The following DGCR2 variants were observed in gnomAD, a reference collection of about 807,000 sequenced individuals.
DGCR2 encodes integral membrane protein DGCR2/IDD.
In DGCR2, 24 loss-of-function variants were observed where a neutral mutation model predicts 51.6. The observed-to-expected ratio is 0.47, with a 90% CI of 0.34 to 0.65. DGCR2 has a LOEUF of 0.65. Ranked by LOEUF, DGCR2 falls within the 30% of genes least tolerant of loss-of-function variation. DGCR2 has a pLI of 0.01. For missense variants in DGCR2, 765 were observed against 772.1 expected, an observed-to-expected ratio of 0.99 and a Z score of 0.11; for synonymous variants, 340 against 315.4, an observed-to-expected ratio of 1.08 and a Z score of -0.82.
intron 1 of DGCR2, among the ~76,000 whole-genome samples, chr22:19,095,401 C>T (rs993957426): frequency 6.6e-6 from 1 of 152,090 alleles, no homozygotes; most frequent in Admixed American, 6.5e-5. Flanking sequence ...GTGGCTCACA[C>T]CTGTAATCCC....
chr22:19,039,385 G>A (rs1225670933), intron 9 of DGCR2, among the ~76,000 whole-genome samples: 4 of 152,182 alleles, frequency 2.6e-5, no homozygotes, highest in Admixed American at 6.5e-5. Context: ...AGGCAGACAC[G>A]GGCCTGTCCC....
chr22:19,051,641 G>A (rs936289164), intron 6 of DGCR2, among the ~76,000 whole-genome samples: 3 of 152,178 alleles, frequency 2.0e-5, no homozygotes, highest in Non-Finnish European at 1.5e-5. Context: ...TGGGAGGACT[G>A]CCTGAGCCCG....
intron 2 of DGCR2, among the ~76,000 whole-genome samples, chr22:19,073,724 T>G (rs117839378): frequency 0.014 from 2,141 of 152,296 alleles, 42 homozygotes; most frequent in South Asian, 0.06. Context: ...CAAACTTATG[T>G]GCAAAGGTAA....
chr22:19,056,368 C>A, intron 6 of DGCR2: 1 of 343,004 alleles, frequency 2.9e-6, no homozygotes, highest in South Asian at 3.7e-5. Context: ...GCACCATGCT[C>A]GGCAACATCA....
In DGCR2 at chr22:19,105,905, A is replaced by T. The variant is rs1002809279; in HGVS notation, c.79+16223T>A. Among the ~76,000 whole-genome samples, 5 of 149,606 alleles carry T rather than the reference A, an allele frequency of 3.3e-5. No homozygotes were observed. The South Asian group carries it at 1.1e-3, about 33-fold the overall frequency. Reference sequence around the variant, plus strand: ...CTCTAACCTTCCCGCAAAGCCCCACATCCAGGTTCTTGGGGGTCCCGGCTC... The same window carrying T: ...CTCTAACCTTCCCGCAAAGCCCCACTTCCAGGTTCTTGGGGGTCCCGGCTC... On this transcript the variant is annotated intron_variant, in intron 1 of 9. Coordinates refer to ENST00000263196, the MANE Select transcript of DGCR2 (RefSeq NM_005137.3).
chr22:19,062,438 C>T (rs1386841867), intron 5 of DGCR2, among the ~76,000 whole-genome samples: 12 of 152,216 alleles, frequency 7.9e-5, no homozygotes, highest in Non-Finnish European at 5.9e-5. Flanking sequence ...CATCACTCCT[C>T]ATTTATCCTT....
chr22:19,052,840 A>G lies in DGCR2; in HGVS notation c.802+4146T>C, dbSNP rs182317319. Reference sequence around the variant, plus strand: ...AATTTGGATGACTCTCCAGGGAATTATGAGTGAAAAAAGCCAACCCCAAAA... The same window carrying G: ...AATTTGGATGACTCTCCAGGGAATTGTGAGTGAAAAAAGCCAACCCCAAAA... On this transcript the variant is annotated intron_variant, in intron 6 of 9. Transcript: ENST00000263196. Among the ~76,000 whole-genome samples, 267 of 152,332 alleles carry G rather than the reference A, an allele frequency of 1.8e-3. 2 individuals are homozygous for G. The highest frequency in any genetic ancestry group is 0.015 in the Admixed American group (231 of 15,308).
At chr22:19,092,861 G>C (rs1042481440) in intron 1 of DGCR2, among the ~76,000 whole-genome samples, 5 of 151,724 alleles carry the variant, frequency 3.3e-5, no homozygotes, top group Admixed American at 3.3e-4. Flanking sequence ...CCTTTCAACA[G>C]AATGGTACTG....
intron 2 of DGCR2, among the ~76,000 whole-genome samples, chr22:19,076,723 C>CTTTTT (rs1228247995): frequency 1.1e-3 from 125 of 118,728 alleles, no homozygotes; most frequent in Middle Eastern, 4.8e-3. Context: ...GTCCTTTGCA[C>CTTTTT]ATTTTTTTTT....
Position 19,038,742 on chromosome 22 carries a change from C to A in DGCR2, c.*123G>T, listed in dbSNP as rs2082397689. The A allele has an allele frequency of 1.5e-6, 2 of 1,361,928 alleles. No individual in the cohort carries two copies. The highest frequency in any genetic ancestry group is 2.8e-5 in the South Asian group (2 of 71,842). 84.4% of individuals were successfully genotyped at this position (1,361,928 alleles called of 1,614,324 possible). On this transcript the variant is annotated 3_prime_UTR_variant, in exon 10 of 10. Coordinates refer to ENST00000263196, the MANE Select transcript of DGCR2 (RefSeq NM_005137.3). ...GTCTCTATGTACACACGCGAGCCCG[C>A]CAGTGACGTGCGGCAGTGCGTGGCG...
intron 1 of DGCR2, among the ~76,000 whole-genome samples, chr22:19,115,860 T>A (rs1246951254): frequency 6.6e-6 from 1 of 152,158 alleles, no homozygotes; most frequent in Non-Finnish European, 1.5e-5. Context: ...GAGGGAGCTC[T>A]CTCCCGACCA....
chr22:19,098,599 G>GT (rs2083167669), intron 1 of DGCR2, among the ~76,000 whole-genome samples: 1 of 152,054 alleles, frequency 6.6e-6, no homozygotes, highest in African/African-American at 2.4e-5. Flanking sequence ...TAAATGTTTT[G>GT]TTTTTTGAGA....
At chr22:19,104,478 A>G (rs1787758954) in intron 1 of DGCR2, among the ~76,000 whole-genome samples, 1 of 152,240 alleles carries the variant, frequency 6.6e-6, no homozygotes, top group Non-Finnish European at 1.5e-5. Context: ...ATTTGCCCAC[A>G]AAGAACAAGA....
At chr22:19,063,939 G>A (rs1471151450) in intron 4 of DGCR2, among the ~76,000 whole-genome samples, 1 of 152,180 alleles carries the variant, frequency 6.6e-6, no homozygotes, top group Admixed American at 6.5e-5. Flanking sequence ...ATAAGTCCCT[G>A]CAAATATCCA....
chr22:19,108,325 C>T (rs917436437), intron 1 of DGCR2, among the ~76,000 whole-genome samples: 1 of 152,178 alleles, frequency 6.6e-6, no homozygotes. Flanking sequence ...AATCCCAACA[C>T]TTTGGAAAGC....
chr22:19,083,853 C>T (rs889276621), intron 2 of DGCR2, among the ~76,000 whole-genome samples: 2 of 151,264 alleles, frequency 1.3e-5, no homozygotes, highest in South Asian at 4.2e-4. Flanking sequence ...CGAGTGCCTG[C>T]GATTGCAGGC....
rs550925439 is a variant in DGCR2 at position 19,058,078 on chromosome 22, T to G, written c.626-916A>C. 7.0e-4 allele frequency among the ~76,000 whole-genome samples: 106 copies of G among 152,200 alleles called. 1 individual carries two copies. The highest frequency in any genetic ancestry group is 1.3e-3 in the Non-Finnish European group (91 of 67,980). On this transcript the variant is annotated intron_variant, in intron 5 of 9. Coordinates refer to ENST00000263196, the MANE Select transcript of DGCR2 (RefSeq NM_005137.3). ...ACAGCAGCAGTGCAGCTCACCCCAT[T>G]TATAAGCCTCCAGCATTCTCACCTG...
At chr22:19,068,602 G>T (rs2082777638) in intron 2 of DGCR2, among the ~76,000 whole-genome samples, 1 of 152,134 alleles carries the variant, frequency 6.6e-6, no homozygotes, top group African/African-American at 2.4e-5. Context: ...AGCCCAGGCT[G>T]CCCCTACCCC....
chr22:19,119,979 G>A (rs1035352433), intron 1 of DGCR2, among the ~76,000 whole-genome samples: 2 of 152,008 alleles, frequency 1.3e-5, no homozygotes, highest in Non-Finnish European at 2.9e-5. Context: ...CAGAAAGAAC[G>A]CAGACTAAGA....
Sources: gnomAD v4.1 joint callset for allele counts (sites outside exome capture counted in the v4.1 genomes callset) on GRCh38, gnomAD v4.1.1 for gene constraint, MANE v1.5 for transcripts, NCBI Gene and HGNC (gene_info 2026-07-23, HGNC 2026-07-21) for gene names.